Variants in PTPRU observed in about 807,000 individuals in gnomAD.
The protein encoded by PTPRU is receptor-type tyrosine-protein phosphatase U.
In PTPRU, 69 loss-of-function variants were observed where a neutral mutation model predicts 166.3. That is an observed-to-expected ratio of 0.41 (90% CI 0.34 to 0.51). PTPRU has a LOEUF of 0.51. Ranked by LOEUF, PTPRU falls within the 20% of genes least tolerant of loss-of-function variation. The pLI is 0.09. For missense variants in PTPRU, 1,657 were observed against 2,013.7 expected (o/e 0.82, Z 3.39); for synonymous variants, 793 against 814.0 (o/e 0.97, Z 0.44).
intron 8 of PTPRU, 146 bp from the exon 9 acceptor site, chr1:29,278,866 C>T: frequency 1.6e-6 from 1 of 621,180 alleles, no homozygotes; most frequent in South Asian, 1.9e-5. Flanking sequence ...TTATATCATT[C>T]CCACTTCACA....
chr1:29,279,429 C>A lies in PTPRU; in HGVS notation c.1564-27C>A. ...CAGGGATGCTCTGACCATCCAGTGC[C>A]CACCTGCCTGCCAATCCTGCCCCCA... On this transcript the variant is annotated intron_variant, in intron 9 of 29. Coordinates refer to ENST00000373779, the MANE Select transcript of PTPRU (RefSeq NM_133178.4). This position sits in a 1 kb window ranked among gnomAD's most constrained non-coding sequence, Gnocchi z 5.2. 6.2e-7 allele frequency: 1 copy of A among 1,606,914 alleles called. No homozygotes were observed. The highest frequency in any genetic ancestry group is 8.5e-7 in the Non-Finnish European group (1 of 1,173,672).
At position 29,277,851 on chromosome 1, in the gene PTPRU, T is replaced by G. The variant is rs113910182; in HGVS notation, c.1454-1161T>G. On this transcript the variant is annotated intron_variant, in intron 8 of 29. Transcript: ENST00000373779. Reference sequence around the variant, plus strand: ...TTTTTTTTTTTGAGATGGAGTCTTGTTCTGTTGCCCAGGCTGGAGAGCAGT... The same window carrying G: ...TTTTTTTTTTTGAGATGGAGTCTTGGTCTGTTGCCCAGGCTGGAGAGCAGT... Among the ~76,000 whole-genome samples the G allele has an allele frequency of 9.8e-3, 1,318 of 134,070 alleles. 33 individuals carry two copies. Among genetic ancestry groups the G allele is most frequent in the African/African-American group, 0.034 (1,237 of 36,800 alleles). The allele number at this position is 134,070 out of a possible 152,430, so 88.0% of individuals were successfully genotyped here. A position where few individuals can be genotyped will look rare whatever the true frequency, so the allele number is the denominator to read the frequency against.
rs1688406281 is a variant in PTPRU at position 29,326,278 on chromosome 1, C to G, written c.*617C>G. ...AGATATTTTGCTCACTATCCCTCCC[C>G]ACTTGCTTCCCTGATATGTGCTCTG... is the stretch of plus-strand genomic sequence containing the variant. On this transcript the variant is annotated 3_prime_UTR_variant, in exon 30 of 30. Coordinates refer to ENST00000373779, the MANE Select transcript of PTPRU (RefSeq NM_133178.4). 1 of 176,082 alleles carries G rather than the reference C, an allele frequency of 5.7e-6. No homozygotes were observed. Among genetic ancestry groups the G allele is most frequent in the Non-Finnish European group, 1.2e-5 (1 of 84,108 alleles). The allele number at this position is 176,082 out of a possible 1,614,324, so 10.9% of individuals were successfully genotyped here. A position where few individuals can be genotyped will look rare whatever the true frequency, so the allele number is the denominator to read the frequency against.
rs780588866 is a variant in PTPRU, at chr1:29,315,545, C to G, written c.3363+38C>G. 1.9e-6 allele frequency: 3 copies of G among 1,612,806 alleles called. No individual in the cohort carries two copies. In the East Asian group the frequency reaches 6.7e-5, roughly 36 times the overall value. On this transcript the variant is annotated intron_variant, in intron 23 of 29. Coordinates refer to ENST00000373779, the MANE Select transcript of PTPRU (RefSeq NM_133178.4). The surrounding 1 kb of genome is among the most constrained non-coding windows in gnomAD (Gnocchi z 4.5). Reference sequence around the variant, plus strand: ...GGCCCTGTCCCCACCATTATTACTTCTAGGACTGGAGTTTCTCGTGAAGGA... The same window carrying G: ...GGCCCTGTCCCCACCATTATTACTTGTAGGACTGGAGTTTCTCGTGAAGGA...
At chr1:29,244,368 G>T (rs1295318038) in intron 1 of PTPRU, among the ~76,000 whole-genome samples, 1 of 151,990 alleles carries the variant, frequency 6.6e-6, no homozygotes, top group Admixed American at 6.6e-5. Flanking sequence ...GCGGTATTGG[G>T]GGAACAACTG....
rs566576489 is a variant in PTPRU at position 29,238,454 on chromosome 1, G to A, written c.73+1737G>A. ...TCCGAGCCGAGACACGTGCTGGAGC[G>A]GAGCCGCTTCCTCACGGTCGCCAGC... On this transcript the variant is annotated intron_variant, in intron 1 of 29. Coordinates refer to ENST00000373779, the MANE Select transcript of PTPRU (RefSeq NM_133178.4). This position sits in a 1 kb window ranked among gnomAD's most constrained non-coding sequence, Gnocchi z 6.1. 2.0e-5 allele frequency among the ~76,000 whole-genome samples: 3 copies of A among 152,254 alleles called. No homozygotes were observed. Among genetic ancestry groups the A allele is most frequent in the Admixed American group, 2.0e-4 (3 of 15,310 alleles).
At chr1:29,292,391 G>A (rs961040299) in intron 15 of PTPRU, among the ~76,000 whole-genome samples, 4 of 152,156 alleles carry the variant, frequency 2.6e-5, no homozygotes, top group African/African-American at 9.7e-5. Context: ...AGTCAGACCT[G>A]GGCTTACCTC....
chr1:29,325,516 C>A, intron 29 of PTPRU, 83 bp from the exon 30 acceptor site: 1 of 1,521,636 alleles, frequency 6.6e-7, no homozygotes, highest in South Asian at 1.2e-5. Context: ...TCGTGCTTGC[C>A]CTCTCACTCC....
Position 29,260,493 on chromosome 1 carries a change from C to A in PTPRU, c.851-117C>A. On this transcript the variant is annotated intron_variant, in intron 6 of 29. Transcript: ENST00000373779. This position sits in a 1 kb window ranked among gnomAD's most constrained non-coding sequence, Gnocchi z 8.3. ...GCGGGTCTGGTTGAGGGCTTGGTAG[C>A]AGCGTGAGAGGCCCTAGGAGGACGG... is the stretch of plus-strand genomic sequence containing the variant. 1 of 783,664 alleles carries A rather than the reference C, an allele frequency of 1.3e-6. No individual in the cohort carries two copies. Among genetic ancestry groups the A allele is most frequent in the Non-Finnish European group, 1.9e-6 (1 of 533,186 alleles). 48.5% of individuals were successfully genotyped at this position (783,664 alleles called of 1,614,324 possible).
At chr1:29,321,185 A>T (rs1387996755) in intron 26 of PTPRU, among the ~76,000 whole-genome samples, 4 of 142,584 alleles carry the variant, frequency 2.8e-5, no homozygotes, top group Admixed American at 7.1e-5. Flanking sequence ...CTGCATCACC[A>T]CAGCTGTCTG....
intron 22 of PTPRU, among the ~76,000 whole-genome samples, chr1:29,314,788 A>G (rs928900816): frequency 6.9e-4 from 105 of 152,240 alleles, no homozygotes; most frequent in African/African-American, 2.5e-3. Flanking sequence ...TATGTTGGCC[A>G]GGCTGGTCTC....
chr1:29,296,234 A>T (rs1456340404), intron 15 of PTPRU, among the ~76,000 whole-genome samples: 2 of 152,196 alleles, frequency 1.3e-5, no homozygotes, highest in East Asian at 1.9e-4. Context: ...TGTTTCTAAC[A>T]TTTAAACACA....
intron 14 of PTPRU, among the ~76,000 whole-genome samples, chr1:29,287,593 GTTTTT>G (rs34816026): frequency 7.7e-6 from 1 of 129,916 alleles, no homozygotes; most frequent in Admixed American, 7.8e-5. Flanking sequence ...GTGTATGTAT[GTTTTT>G]TTTTTTTTTT....
chr1:29,245,586 T>C (rs537777363), intron 1 of PTPRU, among the ~76,000 whole-genome samples: 15 of 152,336 alleles, frequency 9.8e-5, no homozygotes, highest in African/African-American at 3.6e-4. Flanking sequence ...GATTGCTGCA[T>C]TGCATTGAGG....
intron 7 of PTPRU, among the ~76,000 whole-genome samples, chr1:29,272,473 A>G (rs1557434188): frequency 6.6e-6 from 1 of 152,224 alleles, no homozygotes; most frequent in Non-Finnish European, 1.5e-5. Flanking sequence ...GTGGAAACAG[A>G]ATCTTGTATT....
At position 29,236,651 on chromosome 1, in the gene PTPRU, C is replaced by G. The variant is rs570172140; in HGVS notation, c.7C>G (p.Arg3Gly). 7 of 1,414,202 alleles carry G rather than the reference C, an allele frequency of 4.9e-6. No individual in the cohort carries two copies. In the East Asian group the frequency reaches 1.5e-4, roughly 31 times the overall value. 87.6% of individuals were successfully genotyped at this position (1,414,202 alleles called of 1,614,324 possible). Reference sequence around the variant, plus strand: ...GGGCGGCGACGCTCCAACCATGGCCCGTGCCCAGGCGCTCGTGCTGGCACT... The same window carrying G: ...GGGCGGCGACGCTCCAACCATGGCCGGTGCCCAGGCGCTCGTGCTGGCACT... MA[R>G]AQALVLALTF... Residue 3 changes from arginine to glycine, a missense_variant, in exon 1 of 30, where the codon CGT becomes GGT. Physicochemically the swap from Arg to Gly is moderately radical, Grantham distance 125. Coordinates refer to ENST00000373779, the MANE Select transcript of PTPRU (RefSeq NM_133178.4). The surrounding 1 kb of genome is among the most constrained non-coding windows in gnomAD (Gnocchi z 4.6).
rs1687847861 is a variant in PTPRU, at chr1:29,315,292, G to A, written c.3228-80G>A. On this transcript the variant is annotated intron_variant, in intron 22 of 29. Coordinates refer to ENST00000373779, the MANE Select transcript of PTPRU (RefSeq NM_133178.4). This position sits in a 1 kb window ranked among gnomAD's most constrained non-coding sequence, Gnocchi z 4.5. Reference sequence around the variant, plus strand: ...CCCCTGTATGGTGTAGACATGGCCAGTGCCCTCCTCTCTTCTTCTCCTTAG... The same window carrying A: ...CCCCTGTATGGTGTAGACATGGCCAATGCCCTCCTCTCTTCTTCTCCTTAG... 1 of 1,563,894 alleles carries A rather than the reference G, an allele frequency of 6.4e-7. No homozygotes were observed.
chr1:29,254,773 A>AT (rs2151943278), intron 1 of PTPRU, among the ~76,000 whole-genome samples: 1 of 152,172 alleles, frequency 6.6e-6, no homozygotes, highest in South Asian at 2.1e-4. Context: ...CTATGGGAAG[A>AT]TAGAGGGGCA....
At chr1:29,281,689 C>A (rs1173709353) in intron 11 of PTPRU, among the ~76,000 whole-genome samples, 2 of 152,152 alleles carry the variant, frequency 1.3e-5, no homozygotes, top group Non-Finnish European at 2.9e-5. Context: ...GGGGCTTGGA[C>A]TGGTGTTTAT....
Sources: allele counts gnomAD v4.1 joint callset (sites outside exome capture counted in the v4.1 genomes callset), GRCh38; gene constraint gnomAD v4.1.1; non-coding constraint Gnocchi (gnomAD v3.1); transcripts MANE v1.5; gene names NCBI Gene and HGNC (gene_info 2026-07-23, HGNC 2026-07-21).